TAFA4: variants seen among roughly 807,000 people sequenced by gnomAD.
The protein encoded by TAFA4 is TAFA chemokine like family member 4.
A neutral mutation model predicts 21.1 loss-of-function variants in TAFA4; 20 were observed. That is an observed-to-expected ratio of 0.95 (90% confidence interval 0.67 to 1.38). TAFA4 has a LOEUF of 1.38. Among genes scored for constraint, TAFA4 ranks in the 40% most tolerant of loss-of-function variants. The pLI is 0.00. For missense variants in TAFA4, 211 were observed against 180.9 expected, an observed-to-expected ratio of 1.17 and a Z score of -0.95; for synonymous variants, 71 against 67.4, an observed-to-expected ratio of 1.05 and a Z score of -0.26.
At chr3:68,818,788 C>T (rs950381038) in intron 3 of TAFA4, among the ~76,000 whole-genome samples, 1 of 152,080 alleles carries the variant, frequency 6.6e-6, no homozygotes, top group South Asian at 2.1e-4. Flanking sequence ...AAAACAATTA[C>T]AATAGTAATG....
At chr3:68,858,432 A>G (rs2106919293) in intron 3 of TAFA4, among the ~76,000 whole-genome samples, 1 of 152,242 alleles carries the variant, frequency 6.6e-6, no homozygotes, top group South Asian at 2.1e-4. Flanking sequence ...GCAAAATGTT[A>G]CTTGCTTTTC....
chr3:68,854,968 T>C (rs1015068538), intron 3 of TAFA4, among the ~76,000 whole-genome samples: 4 of 152,182 alleles, frequency 2.6e-5, no homozygotes, highest in African/African-American at 7.2e-5. Context: ...AGTTAACATA[T>C]AATTCTAACA....
At chr3:68,798,088 T>G (rs947971380) in intron 3 of TAFA4, among the ~76,000 whole-genome samples, 2 of 152,194 alleles carry the variant, frequency 1.3e-5, no homozygotes, top group African/African-American at 4.8e-5. Flanking sequence ...CATCACACAG[T>G]ATCTCACAAG....
At chr3:68,932,021 C>T (rs2090164011) in intron 1 of TAFA4, among the ~76,000 whole-genome samples, 2 of 152,150 alleles carry the variant, frequency 1.3e-5, no homozygotes, top group Non-Finnish European at 1.5e-5. Context: ...ATCCTTACTT[C>T]GGAGTGCCCC....
intron 1 of TAFA4, among the ~76,000 whole-genome samples, chr3:68,885,811 G>A (rs1414259806): frequency 6.6e-6 from 1 of 152,008 alleles, no homozygotes; most frequent in Non-Finnish European, 1.5e-5. Context: ...AATATTAATA[G>A]GACACCAAGA....
intron 1 of TAFA4, among the ~76,000 whole-genome samples, chr3:68,887,328 C>T (rs1199677560): frequency 1.3e-5 from 2 of 152,190 alleles, no homozygotes; most frequent in African/African-American, 2.4e-5. Context: ...GTTGCCAATG[C>T]CACGGGCAGC....
intron 3 of TAFA4, among the ~76,000 whole-genome samples, chr3:68,831,580 G>A (rs191407486): frequency 2.6e-4 from 39 of 152,164 alleles, no homozygotes; most frequent in Non-Finnish European, 4.3e-4. Flanking sequence ...TTCCCTTTGT[G>A]GGTAACCCGA....
intron 3 of TAFA4, among the ~76,000 whole-genome samples, chr3:68,853,053 A>G (rs922667529): frequency 6.6e-6 from 1 of 152,182 alleles, no homozygotes; most frequent in African/African-American, 2.4e-5. Context: ...AGAAATGCAA[A>G]GGTTCAATTA....
intron 1 of TAFA4, among the ~76,000 whole-genome samples, chr3:68,931,952 G>A (rs1405640951): frequency 2.0e-5 from 3 of 152,120 alleles, no homozygotes. Flanking sequence ...CACCCCCGGG[G>A]ATTCTGTCAG....
intron 5 of TAFA4, among the ~76,000 whole-genome samples, chr3:68,737,778 A>G (rs1032067519): frequency 2.0e-5 from 3 of 152,206 alleles, no homozygotes; most frequent in Non-Finnish European, 2.9e-5. Flanking sequence ...TCTCATTCAA[A>G]GTATTCATAA....
chr3:68,783,109 T>G (rs957806574), intron 3 of TAFA4, among the ~76,000 whole-genome samples: 1 of 152,050 alleles, frequency 6.6e-6, no homozygotes, highest in Non-Finnish European at 1.5e-5. Flanking sequence ...CTCAGAAAAC[T>G]AGAAATAGAA....
intron 3 of TAFA4, among the ~76,000 whole-genome samples, chr3:68,878,381 C>T (rs1269152670): frequency 1.3e-5 from 2 of 152,158 alleles, no homozygotes; most frequent in African/African-American, 2.4e-5. Flanking sequence ...TTGTAAGATG[C>T]TTTGTGTCCC....
intron 5 of TAFA4, among the ~76,000 whole-genome samples, chr3:68,733,447 TGCATGCTGA>T: frequency 1.3e-5 from 2 of 152,336 alleles, no homozygotes; most frequent in African/African-American, 4.8e-5. Context: ...CATCAGTTCA[TGCATGCTGA>T]GCATGCTTTG....
At chr3:68,878,982 C>T (rs1167259395) in intron 3 of TAFA4, among the ~76,000 whole-genome samples, 1 of 152,098 alleles carries the variant, frequency 6.6e-6, no homozygotes, top group Non-Finnish European at 1.5e-5. Context: ...TGTCTCTTAG[C>T]CAGGTAGGTG....
Position 68,885,291 on chromosome 3 carries a change from A to C in TAFA4, c.-103T>G. The stretch of plus-strand genomic sequence containing the variant: ...CCAATCATTTCTGCCGTTCCAAAAA[A>C]TTATCGTAGCTCAGAAGACCTATGT... On this transcript the variant is annotated 5_prime_UTR_variant, in exon 2 of 6. Transcript: ENST00000295569. The C allele has an allele frequency of 9.3e-7, 1 of 1,074,598 alleles. No individual in the cohort carries two copies. Among genetic ancestry groups the C allele is most frequent in the Non-Finnish European group, 1.4e-6 (1 of 739,922 alleles). The allele number at this position is 1,074,598 out of a possible 1,614,324, so 66.6% of individuals were successfully genotyped here.
At chr3:68,769,062 G>GT in intron 3 of TAFA4, among the ~76,000 whole-genome samples, 1 of 152,352 alleles carries the variant, frequency 6.6e-6, no homozygotes, top group East Asian at 1.9e-4. Context: ...ACAGGTACCA[G>GT]TTTGTGGCCT....
intron 1 of TAFA4, among the ~76,000 whole-genome samples, chr3:68,906,657 C>T (rs2089903960): frequency 6.6e-6 from 1 of 152,084 alleles, no homozygotes; most frequent in Non-Finnish European, 1.5e-5. Context: ...AGTGGACTTT[C>T]CAAGGCGCTG....
intron 3 of TAFA4, among the ~76,000 whole-genome samples, chr3:68,802,528 A>C (rs754259605): frequency 2.6e-5 from 4 of 151,964 alleles, no homozygotes; most frequent in Non-Finnish European, 5.9e-5. Context: ...GATAAATACT[A>C]TAAGAAGTGC....
intron 4 of TAFA4, among the ~76,000 whole-genome samples, chr3:68,750,852 A>C (rs531287621): frequency 6.6e-6 from 1 of 152,338 alleles, no homozygotes; most frequent in South Asian, 2.1e-4. Flanking sequence ...TGTGATTAGC[A>C]AAGTCCATTC....
Sources: allele counts gnomAD v4.1 joint callset (sites outside exome capture counted in the v4.1 genomes callset), GRCh38; gene constraint gnomAD v4.1.1; transcripts MANE v1.5; gene names NCBI Gene and HGNC (gene_info 2026-07-23, HGNC 2026-07-21).